The following INPP4B variants were observed in gnomAD, a reference collection of about 807,000 sequenced individuals.
INPP4B encodes inositol polyphosphate-4-phosphatase type II B, also known as inositol polyphosphate 4-phosphatase type II.
In INPP4B, 55 loss-of-function variants were observed where a neutral mutation model predicts 122.5. The ratio of observed to expected loss-of-function variants is 0.45; its 90% CI spans 0.36 to 0.56. The LOEUF is 0.56. INPP4B is among the 20% of genes least tolerant of loss of function. The probability of loss-of-function intolerance (pLI) is 0.00; values close to 1 mark genes in which losing one functional copy is unlikely to be tolerated. For missense variants in INPP4B, 1,000 were observed against 1,097.7 expected, an observed-to-expected ratio of 0.91 and a Z score of 1.26; for synonymous variants, 403 against 388.7, an observed-to-expected ratio of 1.04 and a Z score of -0.43.
chr4:142,654,027 A>C (rs926065210), intron 2 of INPP4B, among the ~76,000 whole-genome samples: 2 of 152,192 alleles, frequency 1.3e-5, no homozygotes, highest in African/African-American at 2.4e-5. Flanking sequence ...ACACCATGGA[A>C]TACTATGCAG....
chr4:142,306,923 C>A (rs1032364159), intron 8 of INPP4B, among the ~76,000 whole-genome samples: 1 of 152,092 alleles, frequency 6.6e-6, no homozygotes. Context: ...AAAGGCAACT[C>A]GGTTCTGAAG....
At chr4:142,675,948 GC>G (rs1757699350) in intron 2 of INPP4B, among the ~76,000 whole-genome samples, 1 of 152,174 alleles carries the variant, frequency 6.6e-6, no homozygotes, top group South Asian at 2.1e-4. Flanking sequence ...AGACAAGGAT[GC>G]CCTCTCTCAC....
At chr4:142,310,960 T>G (rs1765296400) in intron 8 of INPP4B, among the ~76,000 whole-genome samples, 1 of 152,032 alleles carries the variant, frequency 6.6e-6, no homozygotes, top group Admixed American at 6.6e-5. Context: ...ATCAAGAAAA[T>G]ATTTGGGTGC....
chr4:142,244,462 G>C (rs975072184), intron 11 of INPP4B, among the ~76,000 whole-genome samples: 1 of 151,586 alleles, frequency 6.6e-6, no homozygotes, highest in African/African-American at 2.4e-5. Flanking sequence ...ATCATGCCCG[G>C]CTAATTATAT....
chr4:142,733,319 A>G (rs181223131), intron 1 of INPP4B, among the ~76,000 whole-genome samples: 46 of 152,308 alleles, frequency 3.0e-4, no homozygotes, highest in African/African-American at 9.6e-4. Flanking sequence ...TTTAAATTAA[A>G]AACTTCTGTT....
intron 2 of INPP4B, among the ~76,000 whole-genome samples, chr4:142,513,850 A>G (rs1196146892): frequency 2.0e-5 from 3 of 152,218 alleles, no homozygotes; most frequent in Admixed American, 6.5e-5. Flanking sequence ...GGGGAGCACA[A>G]GCACTTAGGC....
At chr4:142,705,434 G>C (rs1301636101) in intron 2 of INPP4B, among the ~76,000 whole-genome samples, 1 of 144,648 alleles carries the variant, frequency 6.9e-6, no homozygotes, top group Non-Finnish European at 1.5e-5. Context: ...TTCCTACCAA[G>C]TCTCTCTACC....
chr4:142,123,026 T>A (rs1300448576), intron 20 of INPP4B, among the ~76,000 whole-genome samples: 1 of 152,112 alleles, frequency 6.6e-6, no homozygotes, highest in African/African-American at 2.4e-5. Flanking sequence ...TCATTGCAAC[T>A]ATGTTGGCAC....
intron 2 of INPP4B, among the ~76,000 whole-genome samples, chr4:142,598,512 C>A (rs549953427): frequency 9.2e-5 from 14 of 152,234 alleles, no homozygotes; most frequent in African/African-American, 3.4e-4. Flanking sequence ...CCATTCCCAC[C>A]AAAGGACTAC....
intron 2 of INPP4B, among the ~76,000 whole-genome samples, chr4:142,625,795 A>G (rs1216734770): frequency 6.6e-6 from 1 of 152,166 alleles, no homozygotes; most frequent in East Asian, 1.9e-4. Context: ...ATATAGATCA[A>G]TGGAACAGAA....
chr4:142,156,846 C>A (rs1232623309), intron 17 of INPP4B, among the ~76,000 whole-genome samples: 1 of 152,046 alleles, frequency 6.6e-6, no homozygotes, highest in Non-Finnish European at 1.5e-5. Context: ...TAATCTAACA[C>A]CATTTATTTG....
chr4:142,694,371 CA>C (rs1160863312), intron 2 of INPP4B, among the ~76,000 whole-genome samples: 43 of 73,622 alleles, frequency 5.8e-4, no homozygotes, highest in Non-Finnish European at 6.6e-4. Context: ...AGACTCGTCT[CA>C]AAAAAAAAAA....
intron 10 of INPP4B, among the ~76,000 whole-genome samples, chr4:142,262,230 T>C (rs899249112): frequency 3.3e-5 from 5 of 152,202 alleles, no homozygotes; most frequent in Non-Finnish European, 5.9e-5. Flanking sequence ...CAGAGTCTTA[T>C]GGCTTACAGG....
intron 23 of INPP4B, among the ~76,000 whole-genome samples, chr4:142,089,306 TAAG>T: frequency 6.6e-6 from 1 of 152,258 alleles, no homozygotes; most frequent in East Asian, 1.9e-4. Flanking sequence ...CAATACAGAA[TAAG>T]AAGTTTCCTT....
chr4:142,801,087 T>C (rs1187903928), intron 1 of INPP4B, among the ~76,000 whole-genome samples: 2 of 150,260 alleles, frequency 1.3e-5, no homozygotes, highest in Admixed American at 1.3e-4. Flanking sequence ...CAGATTAAAG[T>C]AGTGAAAAAA....
At chr4:142,367,851 G>A (rs1445474176) in intron 7 of INPP4B, among the ~76,000 whole-genome samples, 2 of 152,120 alleles carry the variant, frequency 1.3e-5, no homozygotes, top group African/African-American at 4.8e-5. Flanking sequence ...TGGGCTGGAA[G>A]GATTCTGGTT....
intron 2 of INPP4B, among the ~76,000 whole-genome samples, chr4:142,689,403 A>C (rs1286848833): frequency 2.0e-5 from 3 of 152,204 alleles, no homozygotes; most frequent in Non-Finnish European, 4.4e-5. Flanking sequence ...AGGTCTCAGC[A>C]CATTGGCAAA....
rs541383424 is a variant in INPP4B at position 142,574,575 on chromosome 4, C to T, written c.-190-111849G>A. On this transcript the variant is annotated intron_variant, in intron 2 of 25. Transcript: ENST00000262992. ...TTTCTCCGGAAACACCATGTTCTCA[C>T]GTCACTTTCTGTTATGCTTTCACTG... Among the ~76,000 whole-genome samples, 148 of 152,208 alleles carry T rather than the reference C, an allele frequency of 9.7e-4. No individual in the cohort carries two copies. The Middle Eastern group carries it at 0.031, about 31-fold the overall frequency.
At chr4:142,404,569 T>A (rs895408993) in intron 6 of INPP4B, among the ~76,000 whole-genome samples, 4 of 152,228 alleles carry the variant, frequency 2.6e-5, no homozygotes, top group Non-Finnish European at 4.4e-5. Context: ...GAATGTTATA[T>A]TAGTAATAAT....
Sources: allele counts gnomAD v4.1 joint callset (sites outside exome capture counted in the v4.1 genomes callset), GRCh38; gene constraint gnomAD v4.1.1; transcripts MANE v1.5; gene names NCBI Gene and HGNC (gene_info 2026-07-23, HGNC 2026-07-21).